PCDHGB2: variants seen among roughly 807,000 people sequenced by gnomAD.
The protein encoded by PCDHGB2 is protocadherin gamma-B2.
Under a neutral mutation model 59.3 loss-of-function variants are expected in PCDHGB2, and 55 were observed. That is an observed-to-expected ratio of 0.93 (90% CI 0.75 to 1.16). PCDHGB2 has a LOEUF of 1.16. Ranked by LOEUF, PCDHGB2 falls within the 50% of genes most tolerant of loss-of-function variation. PCDHGB2 has a pLI of 0.00. For missense variants in PCDHGB2, 1,228 were observed against 1,198.5 expected (o/e 1.02, Z -0.36); for synonymous variants, 516 against 512.0 (o/e 1.01, Z -0.11).
At chr5:141,481,465 T>C (rs561789315) in intron 1 of PCDHGB2, among the ~76,000 whole-genome samples, 2 of 152,334 alleles carry the variant, frequency 1.3e-5, no homozygotes, top group South Asian at 2.1e-4. Context: ...CTGAAAACCA[T>C]TGGATTATAC....
intron 1 of PCDHGB2, among the ~76,000 whole-genome samples, chr5:141,488,600 A>G (rs2099677400): frequency 6.6e-6 from 1 of 152,166 alleles, no homozygotes; most frequent in Admixed American, 6.5e-5. Flanking sequence ...AAGACTTTAC[A>G]AGGTTCTTAC....
Position 141,476,996 on chromosome 5 carries a change from C to T in PCDHGB2, c.2422-17811C>T. The T allele has an allele frequency of 6.2e-7, 1 of 1,614,250 alleles. No homozygotes were observed. Among genetic ancestry groups the T allele is most frequent in the Non-Finnish European group, 8.5e-7 (1 of 1,180,052 alleles). On this transcript the variant is annotated intron_variant, in intron 1 of 3. Coordinates refer to ENST00000522605, the MANE Select transcript of PCDHGB2 (RefSeq NM_018923.3). The surrounding 1 kb of genome is among the most constrained non-coding windows in gnomAD (Gnocchi z 7.6). ...CCACAACCGCGCCGGCGTGCGGCAA[C>T]TATTCGCCTTAGACCTTGTAACCGG...
intron 1 of PCDHGB2, among the ~76,000 whole-genome samples, chr5:141,464,888 GCCACCATGT>G (rs1351812446): frequency 6.6e-6 from 1 of 152,000 alleles, no homozygotes; most frequent in East Asian, 1.9e-4. Context: ...ACAGATGGAT[GCCACCATGT>G]CCAGCTAATT....
At chr5:141,504,340 G>C (rs1240423982) in intron 2 of PCDHGB2, among the ~76,000 whole-genome samples, 1 of 152,062 alleles carries the variant, frequency 6.6e-6, no homozygotes, top group Non-Finnish European at 1.5e-5. Flanking sequence ...CAAGTGCTAG[G>C]CTTTGTGCTA....
At chr5:141,439,531 G>A (rs1474855779) in intron 1 of PCDHGB2, among the ~76,000 whole-genome samples, 5 of 152,126 alleles carry the variant, frequency 3.3e-5, no homozygotes, top group Admixed American at 3.3e-4. Flanking sequence ...TCTACAGAAC[G>A]CTGTCCTCTC....
chr5:141,473,053 TACA>T (rs1452453123), intron 1 of PCDHGB2, among the ~76,000 whole-genome samples: 1 of 150,200 alleles, frequency 6.7e-6, no homozygotes, highest in Non-Finnish European at 1.5e-5. Flanking sequence ...AAAGAAGTGA[TACA>T]ACAAGTTACA....
chr5:141,400,789 C>G (rs1415192979), intron 1 of PCDHGB2: 1 of 561,844 alleles, frequency 1.8e-6, no homozygotes, highest in Non-Finnish European at 3.1e-6. Context: ...TTTTTGTCCT[C>G]TTTCTCAAAG....
chr5:141,485,543 G>C lies in PCDHGB2; in HGVS notation c.2422-9264G>C. 1.9e-6 allele frequency: 3 copies of C among 1,614,092 alleles called. No homozygotes were observed. The highest frequency in any genetic ancestry group is 2.5e-6 in the Non-Finnish European group (3 of 1,179,972). On this transcript the variant is annotated intron_variant, in intron 1 of 3. Coordinates refer to ENST00000522605, the MANE Select transcript of PCDHGB2 (RefSeq NM_018923.3). This position sits in a 1 kb window ranked among gnomAD's most constrained non-coding sequence, Gnocchi z 5.7. Reference sequence around the variant, plus strand: ...AATGTACCGAGCAGAGGTAGAGATCGTAGATGTGAATGATCACGCCCCCCG... The same window carrying C: ...AATGTACCGAGCAGAGGTAGAGATCCTAGATGTGAATGATCACGCCCCCCG...
intron 2 of PCDHGB2, among the ~76,000 whole-genome samples, chr5:141,501,306 C>T (rs1016823458): frequency 5.3e-5 from 8 of 151,412 alleles, no homozygotes; most frequent in Non-Finnish European, 8.8e-5. Context: ...CACACACACA[C>T]ACACACACAC....
intron 2 of PCDHGB2, among the ~76,000 whole-genome samples, chr5:141,498,971 G>GGGAAGGAA (rs201769957): frequency 0.022 from 2,449 of 111,032 alleles, 52 homozygotes; most frequent in African/African-American, 0.046. Flanking sequence ...GAGGGAGGGA[G>GGGAAGGAA]GGAAGGAAGG....
intron 2 of PCDHGB2, among the ~76,000 whole-genome samples, chr5:141,501,526 G>A (rs2099809738): frequency 6.6e-6 from 1 of 151,962 alleles, no homozygotes; most frequent in Non-Finnish European, 1.5e-5. Context: ...CTGAAGCCCA[G>A]TACGTTGTTG....
At chr5:141,393,297 G>T (rs376887343) in intron 1 of PCDHGB2, 3 of 1,613,934 alleles carry the variant, frequency 1.9e-6, no homozygotes, top group Non-Finnish European at 1.7e-6. Context: ...TGACCCGGAT[G>T]TGGGCGTGAA....
At chr5:141,370,675 A>G (rs567328067) in intron 1 of PCDHGB2, 2 of 1,613,844 alleles carry the variant, frequency 1.2e-6, no homozygotes, top group African/African-American at 2.7e-5. Flanking sequence ...GACCGAGAGG[A>G]GATTTGTGGC....
chr5:141,441,937 C>T, intron 1 of PCDHGB2: 1 of 344,792 alleles, frequency 2.9e-6, no homozygotes, highest in Non-Finnish European at 5.6e-6. Context: ...GCTGTCCTAC[C>T]ACGTGCTGCA....
At chr5:141,389,445 G>A (rs749321526) in intron 1 of PCDHGB2, 7 of 1,610,526 alleles carry the variant, frequency 4.3e-6, no homozygotes, top group Non-Finnish European at 5.1e-6. Context: ...CTTCGACCAC[G>A]AGCAGCTGCG....
chr5:141,476,091 G>A lies in PCDHGB2; in HGVS notation c.2422-18716G>A. The A allele has an allele frequency of 2.6e-6, 4 of 1,563,192 alleles. No individual in the cohort carries two copies. The highest frequency in any genetic ancestry group is 3.5e-6 in the Non-Finnish European group (4 of 1,159,278). On this transcript the variant is annotated intron_variant, in intron 1 of 3. Transcript: ENST00000522605. The surrounding 1 kb of genome is among the most constrained non-coding windows in gnomAD (Gnocchi z 7.6). ...AAATCTCAGGGACGATCTGGACCCCGCTGAGAGGAACTGCTTTTGAGTGAG... is the reference window on the plus strand; with the variant it reads ...AAATCTCAGGGACGATCTGGACCCCACTGAGAGGAACTGCTTTTGAGTGAG...
At position 141,393,547 on chromosome 5, in the gene PCDHGB2, C is replaced by G. The variant is rs761723933; in HGVS notation, c.2421+30991C>G. 11 of 1,613,820 alleles carry G rather than the reference C, an allele frequency of 6.8e-6. No homozygotes were observed. The African/African-American group carries it at 9.3e-5, about 14-fold the overall frequency. On this transcript the variant is annotated intron_variant, in intron 1 of 3. Transcript: ENST00000522605. ...GACAATGCCCCGGTTTTTCCTCACCCGATTTACCGAGTGAAAGTCCTTGAG... is the reference window on the plus strand; with the variant it reads ...GACAATGCCCCGGTTTTTCCTCACCGGATTTACCGAGTGAAAGTCCTTGAG...
intron 1 of PCDHGB2, chr5:141,394,476 C>T (rs763209018): frequency 3.8e-5 from 61 of 1,614,238 alleles, no homozygotes; most frequent in Admixed American, 1.7e-4. Flanking sequence ...CGTGCTGGAC[C>T]AGAATGACAA....
Position 141,490,721 on chromosome 5 carries a change from T to C in PCDHGB2, c.2422-4086T>C, listed in dbSNP as rs779242781. On this transcript the variant is annotated intron_variant, in intron 1 of 3. Coordinates refer to ENST00000522605, the MANE Select transcript of PCDHGB2 (RefSeq NM_018923.3). This position sits in a 1 kb window ranked among gnomAD's most constrained non-coding sequence, Gnocchi z 5.4. The stretch of plus-strand genomic sequence containing the variant: ...AATGCCCGCCTCACCTACTCCATTG[T>C]AGGAAATCAGGTTCAGGGAGCCCCA... 23 of 1,614,056 alleles carry C rather than the reference T, an allele frequency of 1.4e-5. No individual in the cohort carries two copies. The highest frequency in any genetic ancestry group is 6.6e-5 in the South Asian group (6 of 91,080).
Sources: allele counts gnomAD v4.1 joint callset (sites outside exome capture counted in the v4.1 genomes callset), GRCh38; gene constraint gnomAD v4.1.1; non-coding constraint Gnocchi (gnomAD v3.1); transcripts MANE v1.5; gene names NCBI Gene and HGNC (gene_info 2026-07-23, HGNC 2026-07-21).